FBXL4: variants seen among roughly 807,000 people sequenced by gnomAD.
FBXL4 encodes F-box and leucine rich repeat protein 4.
A neutral mutation model predicts 58.9 loss-of-function variants in FBXL4; 40 were observed. The observed-to-expected ratio is 0.68, with a 90% CI of 0.53 to 0.88. The LOEUF (loss-of-function observed/expected upper bound fraction) is 0.88, where lower values mean the gene tolerates loss of function less well. Ranked by LOEUF, FBXL4 falls within the 40% of genes least tolerant of loss-of-function variation. The pLI is 0.00. For synonymous variants in FBXL4, 263 were observed against 265.5 expected (o/e 0.99, Z 0.09); for missense variants, 676 against 734.4 (o/e 0.92, Z 0.92).
intron 1 of FBXL4, among the ~76,000 whole-genome samples, chr6:98,941,654 T>C (rs1217571972): frequency 6.6e-6 from 1 of 152,134 alleles, no homozygotes; most frequent in African/African-American, 2.4e-5. Flanking sequence ...CCCCAACCAC[T>C]CATCTTGCCT....
Position 98,879,111 on chromosome 6 carries a change from C to T in FBXL4, c.1389+1442G>A, listed in dbSNP as rs113019870. ...TAGTCTACACTGCCAAATCTTGAGGCATTTCTGAAGCCACACTGAGCTCTA... is the reference window on the plus strand; with the variant it reads ...TAGTCTACACTGCCAAATCTTGAGGTATTTCTGAAGCCACACTGAGCTCTA... On this transcript the variant is annotated intron_variant, in intron 8 of 9. Coordinates refer to ENST00000369244, the MANE Select transcript of FBXL4 (RefSeq NM_001278716.2). 9.1e-3 allele frequency among the ~76,000 whole-genome samples: 1,385 copies of T among 152,270 alleles called. 18 individuals carry two copies. The highest frequency in any genetic ancestry group is 0.031 in the African/African-American group (1,305 of 41,554).
chr6:98,934,921 T>C (rs1562250240), intron 1 of FBXL4, 42 bp from the exon 2 acceptor site: 1 of 152,176 alleles, frequency 6.6e-6, no homozygotes, highest in Non-Finnish European at 1.5e-5. Context: ...AGGTAAACAG[T>C]ACCACTCTCT....
intron 7 of FBXL4, among the ~76,000 whole-genome samples, chr6:98,895,542 C>T (rs1771380590): frequency 6.6e-6 from 1 of 152,170 alleles, no homozygotes; most frequent in African/African-American, 2.4e-5. Flanking sequence ...ATTTTAACTA[C>T]AACACCAAGG....
At chr6:98,945,143 C>G (rs1447596031) in intron 1 of FBXL4, among the ~76,000 whole-genome samples, 1 of 152,184 alleles carries the variant, frequency 6.6e-6, no homozygotes, top group Non-Finnish European at 1.5e-5. Context: ...AGCCTCTGAC[C>G]TAGCAATTCC....
intron 1 of FBXL4, among the ~76,000 whole-genome samples, chr6:98,936,083 C>T (rs1330301783): frequency 2.0e-5 from 3 of 152,160 alleles, no homozygotes; most frequent in East Asian, 1.9e-4. Context: ...TTACACCCTG[C>T]CAAACAAAAA....
In FBXL4 at chr6:98,892,544, C is replaced by T. The variant is rs539907432; in HGVS notation, c.1317+6724G>A. 5.3e-5 allele frequency among the ~76,000 whole-genome samples: 8 copies of T among 152,240 alleles called. 1 individual carries two copies. Among genetic ancestry groups the T allele is most frequent in the African/African-American group, 1.4e-4 (6 of 41,536 alleles). ...AATGCAGTAAGGAGACCACCATATA[C>T]GCATGTCAGAAAACAAATTCGTAGC... On this transcript the variant is annotated intron_variant, in intron 7 of 9. Transcript: ENST00000369244.
chr6:98,933,008 C>A (rs901378826), intron 2 of FBXL4, among the ~76,000 whole-genome samples: 1 of 151,852 alleles, frequency 6.6e-6, no homozygotes, highest in Non-Finnish European at 1.5e-5. Context: ...AAAAGGCCAA[C>A]CCTTAAATGC....
At chr6:98,944,832 T>A (rs886484542) in intron 1 of FBXL4, among the ~76,000 whole-genome samples, 2 of 152,218 alleles carry the variant, frequency 1.3e-5, no homozygotes, top group African/African-American at 4.8e-5. Context: ...CTTCATCTGC[T>A]AGTGTCACTG....
rs377666976 is a variant in FBXL4 at position 98,874,452 on chromosome 6, GAAACA to G, written c.1703-16_1703-12del. The G allele has an allele frequency of 8.5e-5, 136 of 1,593,726 alleles. No homozygotes were observed. Among genetic ancestry groups the G allele is most frequent in the Admixed American group, 3.0e-4 (16 of 54,100 alleles). On this transcript the variant is annotated splice_polypyrimidine_tract_variant and intron_variant, in intron 9 of 9. Transcript: ENST00000369244. ...TTACCATTCTTGTTCCTATTTAAGG[GAAACA>G]AAACAAAACAAAACAAAACACCTTA...
chr6:98,887,555 C>A (rs1771081669), intron 7 of FBXL4, among the ~76,000 whole-genome samples: 1 of 152,134 alleles, frequency 6.6e-6, no homozygotes, highest in African/African-American at 2.4e-5. Context: ...AAATATTTTA[C>A]AGTAACTTAG....
rs1770463255 is a variant in FBXL4, at chr6:98,870,501, A to G, written c.*3777T>C. The stretch of plus-strand genomic sequence containing the variant: ...AGAATGGCAGAGTTGAACAAATGCA[A>G]AGGAGACTTATGTGGTGCTGTCATC... On this transcript the variant is annotated 3_prime_UTR_variant, in exon 10 of 10. Coordinates refer to ENST00000369244, the MANE Select transcript of FBXL4 (RefSeq NM_001278716.2). The G allele has an allele frequency of 6.6e-6, 1 of 152,228 alleles. No homozygotes were observed. Among genetic ancestry groups the G allele is most frequent in the African/African-American group, 2.4e-5 (1 of 41,454 alleles). 9.4% of individuals were successfully genotyped at this position (152,228 alleles called of 1,614,324 possible).
At chr6:98,933,253 G>A (rs1466339163) in intron 2 of FBXL4, among the ~76,000 whole-genome samples, 1 of 152,088 alleles carries the variant, frequency 6.6e-6, no homozygotes, top group East Asian at 1.9e-4. Flanking sequence ...CTTGCCTCTG[G>A]TAACTTCTCA....
chr6:98,877,143 C>G (rs1333376950), intron 8 of FBXL4, among the ~76,000 whole-genome samples: 1 of 151,980 alleles, frequency 6.6e-6, no homozygotes, highest in East Asian at 1.9e-4. Context: ...GAACCAAAGG[C>G]TGACAGATTA....
intron 2 of FBXL4, among the ~76,000 whole-genome samples, chr6:98,931,611 G>A (rs1582447220): frequency 6.6e-6 from 1 of 152,200 alleles, no homozygotes; most frequent in East Asian, 1.9e-4. Context: ...AGTGCTATTT[G>A]GAAAATGTTA....
At chr6:98,942,590 G>A (rs1233603780) in intron 1 of FBXL4, among the ~76,000 whole-genome samples, 1 of 152,060 alleles carries the variant, frequency 6.6e-6, no homozygotes, top group African/African-American at 2.4e-5. Context: ...TGCTTTGCCT[G>A]CCACAATGAT....
At position 98,926,860 on chromosome 6, in the gene FBXL4, C is replaced by G. The variant is rs778495863; in HGVS notation, c.129G>C (p.Gln43His). Residue 43 changes from glutamine to histidine, a missense_variant, in exon 4 of 10, where the codon CAG becomes CAC. Coordinates refer to ENST00000369244, the MANE Select transcript of FBXL4 (RefSeq NM_001278716.2). ...NTHRAIESNS[Q>H]TSPLNAEVVQ... ...CTACCTCTGCATTGAGAGGGGAAGT[C>G]TGGCTGTTTGATTCTATAGCTCTAT... The G allele has an allele frequency of 1.2e-6, 2 of 1,614,166 alleles. No individual in the cohort carries two copies. Among genetic ancestry groups the G allele is most frequent in the Admixed American group, 3.3e-5 (2 of 60,018 alleles).
In FBXL4 at chr6:98,872,038, C is replaced by T. The variant is rs146585705; in HGVS notation, c.*2240G>A. The T allele has an allele frequency of 1.3e-5, 2 of 152,272 alleles. No individual in the cohort carries two copies. Among genetic ancestry groups the T allele is most frequent in the African/African-American group, 4.8e-5 (2 of 41,580 alleles). The allele number at this position is 152,272 out of a possible 1,614,324, so 9.4% of individuals were successfully genotyped here. ...AAAACATAAGTCATTTTGATGACAA[C>T]ATTGTTTGAATTACAAGTAACAACA... is the stretch of plus-strand genomic sequence containing the variant. On this transcript the variant is annotated 3_prime_UTR_variant, in exon 10 of 10. Coordinates refer to ENST00000369244, the MANE Select transcript of FBXL4 (RefSeq NM_001278716.2).
intron 1 of FBXL4, among the ~76,000 whole-genome samples, chr6:98,943,926 CATA>C (rs1319460205): frequency 6.6e-6 from 1 of 152,146 alleles, no homozygotes; most frequent in African/African-American, 2.4e-5. Flanking sequence ...CAACCAAAAT[CATA>C]ATCACAGTAA....
intron 5 of FBXL4, among the ~76,000 whole-genome samples, chr6:98,911,634 G>C (rs375496133): frequency 7.9e-5 from 12 of 152,208 alleles, no homozygotes; most frequent in East Asian, 3.9e-4. Context: ...TCTGTTAGAA[G>C]GAAAACTAAC....
Sources: gnomAD v4.1 joint callset for allele counts (sites outside exome capture counted in the v4.1 genomes callset) on GRCh38, gnomAD v4.1.1 for gene constraint, MANE v1.5 for transcripts, NCBI Gene and HGNC (gene_info 2026-07-23, HGNC 2026-07-21) for gene names.